Variants in ATG2B observed in about 807,000 individuals in gnomAD.
ATG2B encodes autophagy related 2B, also known as autophagy-related protein 2 homolog B.
In ATG2B, 121 loss-of-function variants were observed where a neutral mutation model predicts 241.3. That is an observed-to-expected ratio of 0.50 (90% CI 0.43 to 0.58). The LOEUF is 0.58. Among genes scored for constraint, ATG2B ranks in the 20% least tolerant of loss-of-function variants. The pLI is 0.00. For synonymous variants in ATG2B, 858 were observed against 876.6 expected, an observed-to-expected ratio of 0.98 and a Z score of 0.37; for missense variants, 2,306 against 2,491.6, an observed-to-expected ratio of 0.93 and a Z score of 1.59.
chr14:96,300,156 C>G (rs1886751525), intron 34 of ATG2B, among the ~76,000 whole-genome samples: 1 of 152,096 alleles, frequency 6.6e-6, no homozygotes. Flanking sequence ...AATAACTCTC[C>G]ACTTTAAAAT....
At chr14:96,286,576 A>G (rs901775544) in intron 41 of ATG2B, among the ~76,000 whole-genome samples, 2 of 152,204 alleles carry the variant, frequency 1.3e-5, no homozygotes, top group Non-Finnish European at 2.9e-5. Context: ...TTCTCACAAC[A>G]TAATAAAATA....
At chr14:96,346,220 G>GA (rs1354130192) in intron 2 of ATG2B, among the ~76,000 whole-genome samples, 1 of 152,100 alleles carries the variant, frequency 6.6e-6, no homozygotes, top group Non-Finnish European at 1.5e-5. Flanking sequence ...TATGAGATGT[G>GA]AAAAATCATT....
intron 14 of ATG2B, 34 bp from the exon 15 acceptor site, chr14:96,325,956 A>C: frequency 6.3e-7 from 1 of 1,592,016 alleles, no homozygotes; most frequent in Non-Finnish European, 8.6e-7. Flanking sequence ...ATGCCAAAAT[A>C]TTAAAGTAAA....
At position 96,309,562 on chromosome 14, in the gene ATG2B, A is replaced by G. The variant is rs747296457; in HGVS notation, c.4194T>C (p.Gly1398=). The change falls in exon 29 of 42, where the codon GGT becomes GGC. Residue 1398 remains glycine, a synonymous_variant. Transcript: ENST00000359933. ...VDSSGRSSSR[G]PVLPEADQQM... ...GTTGATCTGCTTCAGGAAGTACTGG[A>G]CCACGTGAGGATGATCGACCACTGG... The G allele has an allele frequency of 2.5e-6, 4 of 1,614,040 alleles. No individual in the cohort carries two copies. The South Asian group carries it at 4.4e-5, about 18-fold the overall frequency.
chr14:96,357,096 C>T, intron 1 of ATG2B, among the ~76,000 whole-genome samples: 1 of 152,100 alleles, frequency 6.6e-6, no homozygotes, highest in East Asian at 1.9e-4. Flanking sequence ...TCCTCTGAAA[C>T]TGCTTGTAAC....
intron 6 of ATG2B, among the ~76,000 whole-genome samples, chr14:96,336,497 T>C (rs1183198714): frequency 6.6e-6 from 1 of 152,216 alleles, no homozygotes; most frequent in African/African-American, 2.4e-5. Context: ...ACATGTTCAT[T>C]TGTCACTAAT....
In ATG2B at chr14:96,315,516, C is replaced by T. The variant is rs1402724209; in HGVS notation, c.3429G>A (p.Leu1143=). 1.3e-5 allele frequency: 21 copies of T among 1,614,012 alleles called. No individual in the cohort carries two copies. Among genetic ancestry groups the T allele is most frequent in the Middle Eastern group, 1.6e-4 (1 of 6,084 alleles). The change falls in exon 22 of 42, where the codon TTG becomes TTA. Residue 1143 remains leucine (L), a synonymous_variant. Coordinates refer to ENST00000359933, the MANE Select transcript of ATG2B (RefSeq NM_018036.7). ...RLPSSTRPHW[L]EPTIYSSEED... is the part of the protein sequence containing the mutation. ...CTTCAGAGGAATAAATAGTAGGTTC[C>T]AACCAGTGTGGGCGGGTTGAGCTGG...
intron 12 of ATG2B, 56 bp from the exon 13 acceptor site, chr14:96,328,822 G>A (rs1233283553): frequency 6.7e-6 from 9 of 1,335,266 alleles, no homozygotes; most frequent in Admixed American, 2.0e-5. Flanking sequence ...ATTTACAGAG[G>A]TGCCCATACA....
intron 1 of ATG2B, among the ~76,000 whole-genome samples, chr14:96,350,241 T>C (rs189937238): frequency 6.6e-6 from 1 of 152,002 alleles, no homozygotes; most frequent in East Asian, 1.9e-4. Flanking sequence ...CAGTGTAAAA[T>C]GAGAGGTGGC....
chr14:96,309,358 G>A (rs1006588653), intron 29 of ATG2B, 95 bp downstream of exon 29: 31 of 1,430,226 alleles, frequency 2.2e-5, no homozygotes, highest in East Asian at 9.2e-5. Context: ...ACTCATATGC[G>A]TCTTTAATAA....
In ATG2B at chr14:96,309,487, T is replaced by C. The variant is rs1026346036; in HGVS notation, c.4269A>G (p.Gln1423=). The C allele has an allele frequency of 3.7e-6, 6 of 1,614,104 alleles. No homozygotes were observed. The highest frequency in any genetic ancestry group is 5.1e-6 in the Non-Finnish European group (6 of 1,179,974). The stretch of plus-strand genomic sequence containing the variant: ...GTGGTTTTACTGACGAGGTGCCTTG[T>C]TGCATGTCGATCTCCTCCATAGCAT... ...MSDAMEEIDM[Q]QGTSSVKPQA... is the part of the protein sequence containing the mutation. Residue 1423 remains glutamine (Q), a synonymous_variant, in exon 29 of 42, where the codon CAA becomes CAG. Coordinates refer to ENST00000359933, the MANE Select transcript of ATG2B (RefSeq NM_018036.7).
At chr14:96,310,027 C>A (rs1887106332) in intron 28 of ATG2B, among the ~76,000 whole-genome samples, 1 of 152,140 alleles carries the variant, frequency 6.6e-6, no homozygotes, top group South Asian at 2.1e-4. Context: ...GCACACACAG[C>A]AGGGGAAATA....
chr14:96,315,462 A>G lies in ATG2B; in HGVS notation c.3483T>C (p.Asp1161=). Residue 1161 remains aspartate (D), a synonymous_variant, in exon 22 of 42, where the codon GAT becomes GAC. Transcript: ENST00000359933. ...TATTCAAACTGTCTCCTCCAACTCC[A>G]TCTGAAGAAGTTTTACTGAGGCCAT... ...EEDGLSKTSS[D]GVGGDSLNML... is the part of the protein sequence containing the mutation. 1 of 1,614,176 alleles carries G rather than the reference A, an allele frequency of 6.2e-7. No individual in the cohort carries two copies. The highest frequency in any genetic ancestry group is 1.3e-5 in the African/African-American group (1 of 75,064).
chr14:96,315,304 A>T, intron 22 of ATG2B, 70 bp from the exon 23 acceptor site: 2 of 1,586,028 alleles, frequency 1.3e-6, no homozygotes, highest in South Asian at 2.2e-5. Context: ...TTTTTCCAAG[A>T]AAATAAATAT....
Position 96,325,727 on chromosome 14 carries a change from G to A in ATG2B, c.2359C>T (p.Leu787=). 6.2e-7 allele frequency: 1 copy of A among 1,613,748 alleles called. No homozygotes were observed. The highest frequency in any genetic ancestry group is 8.5e-7 in the Non-Finnish European group (1 of 1,179,878). ...CCTATAAATTCAGTCTTAAATTCTA[G>A]ATCTGTGAAGGCTAAATAAAGGATC... ...KEILYLAFTD[L]EFKTEFIGGS... The change falls in exon 15 of 42, where the codon CTA becomes TTA. Residue 787 remains leucine, a synonymous_variant. Transcript: ENST00000359933.
chr14:96,317,286 C>A lies in ATG2B; in HGVS notation c.3069G>T (p.Leu1023Phe). ...DEESGSEEET[L>F]QYFSTVDPNY... is the part of the protein sequence containing the mutation. The stretch of plus-strand genomic sequence containing the variant: ...TGGGATCAACAGTGGAAAAATACTG[C>A]AAAGTCTCCTCCTCAGATCCACTTT... The change falls in exon 20 of 42, where the codon TTG becomes TTT. Residue 1023 changes from leucine (L) to phenylalanine (F), a missense_variant. This residue lies in a region of ATG2B where 1,927 missense variants were observed against 2,011.2 expected (regional missense o/e 0.96). Transcript: ENST00000359933. 1 of 1,613,556 alleles carries A rather than the reference C, an allele frequency of 6.2e-7. No homozygotes were observed. Among genetic ancestry groups the A allele is most frequent in the Non-Finnish European group, 8.5e-7 (1 of 1,179,742 alleles).
At chr14:96,303,282 G>T (rs373595551) in intron 32 of ATG2B, 27 bp from the exon 33 acceptor site, 1 of 1,473,344 alleles carries the variant, frequency 6.8e-7, no homozygotes, top group Non-Finnish European at 9.1e-7. Flanking sequence ...GAAGAACGCG[G>T]AACAGTTCTT....
At chr14:96,329,999 G>C (rs936803444) in intron 11 of ATG2B, among the ~76,000 whole-genome samples, 1 of 150,534 alleles carries the variant, frequency 6.6e-6, no homozygotes, top group Admixed American at 6.6e-5. Flanking sequence ...ATTTTCTGCC[G>C]CTTTTGTTCT....
At position 96,295,090 on chromosome 14, in the gene ATG2B, T is replaced by C; in HGVS notation, c.5296A>G (p.Ile1766Val). 1 of 1,614,170 alleles carries C rather than the reference T, an allele frequency of 6.2e-7. No homozygotes were observed. Among genetic ancestry groups the C allele is most frequent in the African/African-American group, 1.3e-5 (1 of 75,056 alleles). ...GGCTGTTTTGGCCCAGAGAAAGAAA[T>C]AACCAGATTTGGCTCCTTTGAGGTA... ...LSTSKEPNLV[I>V]SFSGPKQPSQ... Residue 1766 changes from isoleucine to valine, a missense_variant, in exon 36 of 42, where the codon ATT (isoleucine) becomes GTT (valine). Physicochemically the swap from Ile to Val is conservative, Grantham distance 29 (BLOSUM62 3). Transcript: ENST00000359933.
Sources: gnomAD v4.1 joint callset for allele counts (sites outside exome capture counted in the v4.1 genomes callset) on GRCh38, gnomAD v4.1.1 for gene constraint, gnomAD v4.1.1 regional missense constraint, MANE v1.5 for transcripts, NCBI Gene and HGNC (gene_info 2026-07-23, HGNC 2026-07-21) for gene names.